Variants in DPYD observed in about 807,000 individuals in gnomAD.
DPYD encodes the protein dihydropyrimidine dehydrogenase [NADP(+)].
Under a neutral mutation model 116.2 loss-of-function variants are expected in DPYD, and 109 were observed. The ratio of observed to expected loss-of-function variants is 0.94; its 90% CI spans 0.80 to 1.10. The LOEUF is 1.10. DPYD is among the 50% of genes least tolerant of loss of function. The probability of loss-of-function intolerance (pLI) is 0.00; values close to 1 mark genes in which losing one functional copy is unlikely to be tolerated. For synonymous variants in DPYD, 440 were observed against 432.0 expected, an observed-to-expected ratio of 1.02 and a Z score of -0.23; for missense variants, 1,302 against 1,254.5, an observed-to-expected ratio of 1.04 and a Z score of -0.57.
At chr1:97,593,096 G>T in intron 10 of DPYD, 122 bp downstream of exon 10, 2 of 1,143,946 alleles carry the variant, frequency 1.7e-6, no homozygotes, top group Non-Finnish European at 1.3e-6. Context: ...ATTATGTGTA[G>T]CCCTGAAATT....
intron 3 of DPYD, among the ~76,000 whole-genome samples, chr1:97,774,423 A>C (rs985690862): frequency 1.3e-5 from 2 of 152,110 alleles, no homozygotes; most frequent in African/African-American, 4.8e-5. Flanking sequence ...TTATGATATT[A>C]AGAGTTTTGC....
chr1:97,535,648 TA>T (rs1163016543), intron 12 of DPYD, among the ~76,000 whole-genome samples: 1 of 152,186 alleles, frequency 6.6e-6, no homozygotes, highest in East Asian at 1.9e-4. Flanking sequence ...TGCCATTTAA[TA>T]AAAGTTTGGA....
chr1:97,792,060 A>G (rs2101274624), intron 3 of DPYD, among the ~76,000 whole-genome samples: 1 of 152,314 alleles, frequency 6.6e-6, no homozygotes, highest in Admixed American at 6.5e-5. Flanking sequence ...TTCTAAGAGA[A>G]CCTTTCACCT....
At chr1:97,582,404 C>T (rs1476966609) in intron 10 of DPYD, among the ~76,000 whole-genome samples, 9 of 152,196 alleles carry the variant, frequency 5.9e-5, no homozygotes, top group Non-Finnish European at 1.3e-4. Context: ...TTTCACAATC[C>T]AATCTTCTAG....
chr1:97,093,049 T>C (rs938094286), intron 21 of DPYD, among the ~76,000 whole-genome samples: 4 of 152,150 alleles, frequency 2.6e-5, no homozygotes, highest in African/African-American at 9.7e-5. Context: ...GCTCCTTAAA[T>C]GTCACTTCCT....
At chr1:97,812,205 C>A (rs906644272) in intron 3 of DPYD, among the ~76,000 whole-genome samples, 1 of 152,282 alleles carries the variant, frequency 6.6e-6, no homozygotes, top group African/African-American at 2.4e-5. Flanking sequence ...GACAGTAAAT[C>A]TACCCCTAGG....
At chr1:97,453,401 T>A (rs1310616625) in intron 13 of DPYD, among the ~76,000 whole-genome samples, 1 of 152,128 alleles carries the variant, frequency 6.6e-6, no homozygotes, top group East Asian at 1.9e-4. Flanking sequence ...TTGTCCTGTA[T>A]GCTAAGAACA....
intron 20 of DPYD, among the ~76,000 whole-genome samples, chr1:97,180,394 A>C (rs1657567212): frequency 6.6e-6 from 1 of 152,170 alleles, no homozygotes; most frequent in Non-Finnish European, 1.5e-5. Flanking sequence ...TCAGGGGCAT[A>C]GCTCAAAATT....
chr1:97,855,240 C>G (rs984499582), intron 2 of DPYD: 9 of 152,234 alleles, frequency 5.9e-5, no homozygotes, highest in Non-Finnish European at 1.2e-4. Flanking sequence ...TCGGGAGTCA[C>G]AGAGAACGTG....
Position 97,562,392 on chromosome 1 carries a change from CACTT to C in DPYD, c.1339+11364_1339+11367del, listed in dbSNP as rs557106165. ...GGAAAATCACTGGATATTTGGCAAA[CACTT>C]ACTATGCAACATGCTTGCCATTCTT... On this transcript the variant is annotated intron_variant, in intron 11 of 22. Coordinates refer to ENST00000370192, the MANE Select transcript of DPYD (RefSeq NM_000110.4). Among the ~76,000 whole-genome samples the C allele has an allele frequency of 4.7e-4, 71 of 152,244 alleles. No homozygotes were observed. The Middle Eastern group carries it at 0.014, about 29-fold the overall frequency.
intron 8 of DPYD, among the ~76,000 whole-genome samples, chr1:97,609,363 C>T (rs867157836): frequency 1.5e-4 from 23 of 151,848 alleles, no homozygotes; most frequent in African/African-American, 5.3e-4. Context: ...ATGTATTCTA[C>T]AGAAGATAAA....
chr1:97,689,184 T>A (rs1467807624), intron 7 of DPYD, among the ~76,000 whole-genome samples: 1 of 151,546 alleles, frequency 6.6e-6, no homozygotes, highest in Non-Finnish European at 1.5e-5. Context: ...CTTTAAAAAA[T>A]TAATCTTAGA....
At chr1:97,567,608 C>T (rs532655860) in intron 11 of DPYD, among the ~76,000 whole-genome samples, 2 of 152,122 alleles carry the variant, frequency 1.3e-5, no homozygotes, top group Non-Finnish European at 2.9e-5. Context: ...TGCTGAGTCC[C>T]TCACCATTCA....
Position 97,193,131 on chromosome 1 carries a change from G to A in DPYD, c.2560C>T (p.Pro854Ser). 1 of 1,614,018 alleles carries A rather than the reference G, an allele frequency of 6.2e-7. No individual in the cohort carries two copies. Among genetic ancestry groups the A allele is most frequent in the Non-Finnish European group, 8.5e-7 (1 of 1,179,954 alleles). Residue 854 changes from proline to serine, a missense_variant, in exon 20 of 23, where the codon CCA (proline) becomes TCA (serine). Physicochemically the swap from Pro to Ser is moderately conservative, Grantham distance 74 (BLOSUM62 -1). Coordinates refer to ENST00000370192, the MANE Select transcript of DPYD (RefSeq NM_000110.4). Reference sequence around the variant, plus strand: ...CCTTTCTGGTGACTCACAGTAGCTGGACTCTGTCCATCCCAGTCTTGTAGT... The same window carrying A: ...CCTTTCTGGTGACTCACAGTAGCTGAACTCTGTCCATCCCAGTCTTGTAGT... ...EELQDWDGQS[P>S]ATVSHQKGKP...
chr1:97,508,457 T>C (rs2101953183), intron 13 of DPYD, among the ~76,000 whole-genome samples: 1 of 152,078 alleles, frequency 6.6e-6, no homozygotes, highest in Admixed American at 6.6e-5. Flanking sequence ...ACAGAAGCTG[T>C]TAAATCAAAA....
intron 14 of DPYD, among the ~76,000 whole-genome samples, chr1:97,448,174 G>A (rs965804213): frequency 4.6e-5 from 7 of 152,064 alleles, no homozygotes; most frequent in South Asian, 2.1e-4. Context: ...CCATGATGGC[G>A]CCAATGTACT....
chr1:97,888,559 G>A (rs1672617570), intron 1 of DPYD, among the ~76,000 whole-genome samples: 1 of 150,962 alleles, frequency 6.6e-6, no homozygotes, highest in Non-Finnish European at 1.5e-5. Context: ...TAAATGTAAA[G>A]AGATCCACAC....
chr1:97,899,498 C>T (rs951069226), intron 1 of DPYD, among the ~76,000 whole-genome samples: 2 of 151,798 alleles, frequency 1.3e-5, no homozygotes, highest in African/African-American at 4.8e-5. Flanking sequence ...AATACAACAA[C>T]TTCTATATCC....
chr1:97,845,439 C>G (rs113773800), intron 2 of DPYD, among the ~76,000 whole-genome samples: 68 of 152,282 alleles, frequency 4.5e-4, no homozygotes, highest in Non-Finnish European at 6.2e-4. Context: ...AAGAAGCTAC[C>G]CACTCCAGGT....
Sources: allele counts gnomAD v4.1 joint callset (sites outside exome capture counted in the v4.1 genomes callset), GRCh38; gene constraint gnomAD v4.1.1; transcripts MANE v1.5; gene names NCBI Gene and HGNC (gene_info 2026-07-23, HGNC 2026-07-21).